ANO1: variants seen among roughly 807,000 people sequenced by gnomAD.
ANO1 encodes the protein anoctamin 1.
Under a neutral mutation model 124.0 loss-of-function variants are expected in ANO1, and 59 were observed. That is an observed-to-expected ratio of 0.48 (90% CI 0.39 to 0.59). The LOEUF is 0.59. Among genes scored for constraint, ANO1 ranks in the 20% least tolerant of loss-of-function variants. ANO1 has a pLI of 0.00. For synonymous variants in ANO1, 529 were observed against 532.0 expected (o/e 0.99, Z 0.08); for missense variants, 1,059 against 1,328.0 (o/e 0.80, Z 3.15).
the ANO1 span, among the ~76,000 whole-genome samples, chr11:69,972,294 A>G: frequency 6.6e-6 from 1 of 151,906 alleles, no homozygotes; most frequent in Non-Finnish European, 1.5e-5. Flanking sequence ...CTCAGCCTAA[A>G]ATGTACAGTA....
chr11:70,128,741 G>C (rs980089800), intron 10 of ANO1, among the ~76,000 whole-genome samples: 3 of 152,248 alleles, frequency 2.0e-5, no homozygotes, highest in South Asian at 2.1e-4. Flanking sequence ...CTGAAGAAGA[G>C]AGCTTCCTGC....
the ANO1 span, among the ~76,000 whole-genome samples, chr11:69,969,211 C>T: frequency 1.3e-5 from 2 of 152,108 alleles, no homozygotes; most frequent in African/African-American, 2.4e-5. Context: ...GGTGGAAAGC[C>T]GTGCCCCTTC....
chr11:70,085,751 C>T (rs1052464397), intron 1 of ANO1: 40 of 1,401,492 alleles, frequency 2.9e-5, no homozygotes, highest in African/African-American at 1.3e-4. Context: ...AGCCTCCACT[C>T]GAGGCCTTCC....
chr11:70,020,694 A>G (rs1166133519), intron 1 of ANO1, among the ~76,000 whole-genome samples: 3 of 152,140 alleles, frequency 2.0e-5, no homozygotes, highest in Non-Finnish European at 4.4e-5. Flanking sequence ...ACAGCCTGGG[A>G]TGACATGGGT....
At chr11:70,077,920 CA>C (rs1343261254), upstream of ANO1, among the ~76,000 whole-genome samples, 1 of 152,074 alleles carries the variant, frequency 6.6e-6, no homozygotes, top group Non-Finnish European at 1.5e-5. Flanking sequence ...GGCGGGTCGG[CA>C]GGAACCAGGC....
At chr11:70,019,089 C>T (rs1315744710) in intron 1 of ANO1, among the ~76,000 whole-genome samples, 2 of 152,206 alleles carry the variant, frequency 1.3e-5, no homozygotes, top group Admixed American at 6.5e-5. Context: ...GAGGAGGTGC[C>T]CCATTCATTC....
intron 1 of ANO1, among the ~76,000 whole-genome samples, chr11:70,060,586 G>A (rs1555007618): frequency 2.6e-5 from 4 of 152,296 alleles, no homozygotes; most frequent in East Asian, 1.9e-4. Context: ...GAGTCGAGAG[G>A]CAGACAATAA....
At chr11:70,187,360 A>G (rs1026780720) in intron 25 of ANO1, among the ~76,000 whole-genome samples, 6 of 152,330 alleles carry the variant, frequency 3.9e-5, no homozygotes, top group East Asian at 1.9e-4. Flanking sequence ...ACGCTTTGCA[A>G]ACTGTAAAAG....
At chr11:70,171,776 A>C (rs185555891) in intron 22 of ANO1, among the ~76,000 whole-genome samples, 1 of 152,182 alleles carries the variant, frequency 6.6e-6, no homozygotes, top group Non-Finnish European at 1.5e-5. Context: ...AGACCAGCCT[A>C]GGCAACATGA....
At chr11:70,116,562 G>A (rs776426117) in intron 8 of ANO1, 63 bp downstream of exon 8, 21 of 1,525,702 alleles carry the variant, frequency 1.4e-5, no homozygotes, top group Non-Finnish European at 1.8e-5. Context: ...CTGGGGCGGG[G>A]TGGGCCTGCA....
intron 1 of ANO1, among the ~76,000 whole-genome samples, chr11:70,028,283 G>T (rs11237183): frequency 6.6e-5 from 10 of 152,096 alleles, no homozygotes; most frequent in Admixed American, 5.9e-4. Context: ...TCCCCTCCCC[G>T]CTCCACCAGG....
At chr11:69,991,820 G>T (rs1255385131) in intron 1 of ANO1, among the ~76,000 whole-genome samples, 1 of 152,240 alleles carries the variant, frequency 6.6e-6, no homozygotes, top group Non-Finnish European at 1.5e-5. Flanking sequence ...CTCTCATGGA[G>T]TGCAGTCTAT....
chr11:70,087,550 C>G (rs2044430828), intron 1 of ANO1, among the ~76,000 whole-genome samples: 1 of 152,182 alleles, frequency 6.6e-6, no homozygotes, highest in Non-Finnish European at 1.5e-5. Flanking sequence ...TCTCGAAGTT[C>G]AGCTCCCTGA....
chr11:70,004,440 G>A (rs1856445558), intron 1 of ANO1, among the ~76,000 whole-genome samples: 1 of 152,224 alleles, frequency 6.6e-6, no homozygotes, highest in Non-Finnish European at 1.5e-5. Context: ...CCCTTCGAGG[G>A]AGGTACTGCT....
Position 70,187,969 on chromosome 11 carries a change from G to T in ANO1, c.2926G>T (p.Ala976Ser), listed in dbSNP as rs143248839. Residue 976 changes from alanine (A) to serine (S), a missense_variant, in exon 26 of 26, where the codon GCC becomes TCC. Ala to Ser is a moderately conservative substitution (Grantham distance 99). Coordinates refer to ENST00000355303, the MANE Select transcript of ANO1 (RefSeq NM_018043.7). ...CTGCCCAGACAGCCTCGGCAGCCCA[G>T]CCCCCAGCCATGCCTACCACGGGGG... The part of the protein sequence containing the change: ...KACPDSLGSP[A>S]PSHAYHGGVL 849 of 1,571,640 alleles carry T rather than the reference G, an allele frequency of 5.4e-4. 5 individuals carry two copies. The Middle Eastern group carries it at 0.011, about 20-fold the overall frequency.
chr11:70,030,025 A>G (rs1015901509), intron 1 of ANO1, among the ~76,000 whole-genome samples: 129 of 152,126 alleles, frequency 8.5e-4, no homozygotes, highest in African/African-American at 3.0e-3. Context: ...AGGGAGGCAA[A>G]TGGCTCCTAG....
rs111294639 is a variant in ANO1 at position 70,034,082 on chromosome 11, C to T, written c.59-44460C>T. Among the ~76,000 whole-genome samples the T allele has an allele frequency of 3.3e-3, 510 of 152,302 alleles. 3 individuals carry two copies. Among genetic ancestry groups the T allele is most frequent in the African/African-American group, 0.012 (481 of 41,572 alleles). ...TCAACAAAGCTTTGCCAACCACCCACTACGCAAACCCTGTAATTTCATTGC... is the reference window on the plus strand; with the variant it reads ...TCAACAAAGCTTTGCCAACCACCCATTACGCAAACCCTGTAATTTCATTGC... On this transcript the variant is annotated intron_variant, in intron 1 of 27. Transcript: ENST00000531349.
At chr11:69,994,616 T>C (rs1218563423) in intron 1 of ANO1, among the ~76,000 whole-genome samples, 1 of 152,224 alleles carries the variant, frequency 6.6e-6, no homozygotes, top group Non-Finnish European at 1.5e-5. Context: ...CTCTCTTCAA[T>C]ACTTGGTAAA....
chr11:70,095,368 AAG>A lies in ANO1; in HGVS notation c.441+7286_441+7287del, dbSNP rs1247067502. Among the ~76,000 whole-genome samples, 16 of 31,532 alleles carry A rather than the reference AAG, an allele frequency of 5.1e-4. 2 individuals are homozygous for A. Among genetic ancestry groups the A allele is most frequent in the Non-Finnish European group, 8.3e-4 (11 of 13,188 alleles). The allele number at this position is 31,532 out of a possible 152,430, so 20.7% of individuals were successfully genotyped here. ...AGAAAAAGAAAGAAAGAAAGAAAGA[AAG>A]AAAGAAAGAAAGAAAGAAAGAAAGA... On this transcript the variant is annotated intron_variant, in intron 2 of 25. Transcript: ENST00000355303.
Sources: gnomAD v4.1 joint callset for allele counts (sites outside exome capture counted in the v4.1 genomes callset) on GRCh38, gnomAD v4.1.1 for gene constraint, MANE v1.5 for transcripts, NCBI Gene and HGNC (gene_info 2026-07-23, HGNC 2026-07-21) for gene names.